The following XIRP2 variants were observed in gnomAD, a reference collection of about 807,000 sequenced individuals.
XIRP2 encodes the protein xin actin binding repeat containing 2, also known as xin actin-binding repeat-containing protein 2.
XIRP2 carries 236 observed loss-of-function variants against 277.0 expected under a neutral mutation model. The observed-to-expected ratio is 0.85, with a 90% CI of 0.77 to 0.95. The LOEUF (loss-of-function observed/expected upper bound fraction) is 0.95. Ranked by LOEUF, XIRP2 falls within the 40% of genes least tolerant of loss-of-function variation. XIRP2 has a pLI of 0.00. For synonymous variants in XIRP2, 1,490 were observed against 1,416.5 expected (o/e 1.05, Z -1.17); for missense variants, 4,640 against 4,157.5 (o/e 1.12, Z -3.19).
At position 166,923,224 on chromosome 2, in the gene XIRP2, TAA is replaced by T. The variant is rs1283806413; in HGVS notation, c.408+19336_408+19337del. 2.6e-5 allele frequency among the ~76,000 whole-genome samples: 4 copies of T among 152,094 alleles called. No homozygotes were observed. The East Asian group carries it at 7.7e-4, about 29-fold the overall frequency. On this transcript the variant is annotated intron_variant, in intron 2 of 10. Coordinates refer to ENST00000409195, the MANE Select transcript of XIRP2 (RefSeq NM_152381.6). ...CATGTTTGAACGGTAAAAGTAACTGTAAAGTTACAATGAGTGTACTATAAACA... is the reference window on the plus strand; with the variant it reads ...CATGTTTGAACGGTAAAAGTAACTGTAGTTACAATGAGTGTACTATAAACA...
At chr2:166,964,972 C>T (rs947184638) in intron 2 of XIRP2, among the ~76,000 whole-genome samples, 1 of 151,716 alleles carries the variant, frequency 6.6e-6, no homozygotes, top group African/African-American at 2.4e-5. Flanking sequence ...TGCTGATCAT[C>T]GTCTTTAAGA....
intron 2 of XIRP2, among the ~76,000 whole-genome samples, chr2:167,120,415 T>G (rs1418509810): frequency 6.6e-6 from 1 of 152,180 alleles, no homozygotes; most frequent in Non-Finnish European, 1.5e-5. Context: ...TCTCCATATT[T>G]CCACCTTGTG....
At chr2:166,996,905 G>C (rs1574145399) in intron 2 of XIRP2, among the ~76,000 whole-genome samples, 4 of 152,056 alleles carry the variant, frequency 2.6e-5, no homozygotes, top group Admixed American at 6.6e-5. Flanking sequence ...ATTCCCAAAA[G>C]ACTGATTAAG....
intron 2 of XIRP2, among the ~76,000 whole-genome samples, chr2:167,115,386 C>T (rs1299335183): frequency 6.6e-6 from 1 of 152,126 alleles, no homozygotes; most frequent in Non-Finnish European, 1.5e-5. Flanking sequence ...AGAATGCTTG[C>T]TGGGGAACTA....
chr2:167,173,611 C>G (rs989720168), intron 3 of XIRP2, among the ~76,000 whole-genome samples: 3 of 152,162 alleles, frequency 2.0e-5, no homozygotes, highest in Non-Finnish European at 4.4e-5. Flanking sequence ...GATATCTCTT[C>G]AATACATTGA....
chr2:166,920,653 T>C (rs1685013405), intron 2 of XIRP2, among the ~76,000 whole-genome samples: 1 of 152,194 alleles, frequency 6.6e-6, no homozygotes, highest in Non-Finnish European at 1.5e-5. Context: ...TGATAAAATA[T>C]GGCAAGAAAT....
chr2:167,193,399 GTA>G (rs1693405187), intron 3 of XIRP2, among the ~76,000 whole-genome samples: 1 of 152,142 alleles, frequency 6.6e-6, no homozygotes, highest in Non-Finnish European at 1.5e-5. Context: ...ATGTGAATGT[GTA>G]TGTGTATACA....
At chr2:167,232,442 G>GA (rs76083331) in intron 5 of XIRP2, among the ~76,000 whole-genome samples, 17 of 150,792 alleles carry the variant, frequency 1.1e-4, no homozygotes, top group East Asian at 5.9e-4. Flanking sequence ...CTCTGGTGGA[G>GA]AAAAAAAAAT....
intron 2 of XIRP2, among the ~76,000 whole-genome samples, chr2:166,958,022 G>T (rs1185896319): frequency 1.3e-5 from 2 of 151,814 alleles, no homozygotes; most frequent in African/African-American, 4.8e-5. Flanking sequence ...AGAGGAAAAA[G>T]CTTGAGAATC....
intron 2 of XIRP2, among the ~76,000 whole-genome samples, chr2:167,053,775 T>C (rs1421104302): frequency 3.9e-5 from 6 of 152,180 alleles, no homozygotes; most frequent in Non-Finnish European, 8.8e-5. Context: ...TATTGCCCTT[T>C]GACATCTTAC....
chr2:167,100,843 A>G (rs1407798497), intron 2 of XIRP2, among the ~76,000 whole-genome samples: 2 of 152,226 alleles, frequency 1.3e-5, no homozygotes, highest in Non-Finnish European at 2.9e-5. Context: ...TCATATTTTA[A>G]CAGATCTCAT....
chr2:167,069,900 C>T (rs1237774564), intron 2 of XIRP2, among the ~76,000 whole-genome samples: 1 of 152,100 alleles, frequency 6.6e-6, no homozygotes, highest in Non-Finnish European at 1.5e-5. Flanking sequence ...CTGAGGAGTG[C>T]TGCTCTTCCA....
chr2:166,969,831 T>C (rs1000440669), intron 2 of XIRP2, among the ~76,000 whole-genome samples: 2 of 151,892 alleles, frequency 1.3e-5, no homozygotes, highest in Non-Finnish European at 2.9e-5. Flanking sequence ...TAGTCCTTCA[T>C]TAAAATTGTT....
chr2:167,171,887 A>G (rs1019165062), intron 3 of XIRP2, among the ~76,000 whole-genome samples: 1 of 152,166 alleles, frequency 6.6e-6, no homozygotes, highest in Non-Finnish European at 1.5e-5. Flanking sequence ...TCCCATTCTT[A>G]GTGTCTTCAT....
chr2:166,899,490 C>T (rs1418295813), intron 1 of XIRP2, among the ~76,000 whole-genome samples: 1 of 152,002 alleles, frequency 6.6e-6, no homozygotes, highest in Non-Finnish European at 1.5e-5. Context: ...TTCAAGATTC[C>T]TTCTTTCATC....
At position 166,918,390 on chromosome 2, in the gene XIRP2, C is replaced by A. The variant is rs148058864; in HGVS notation, c.408+14500C>A. 3.6e-4 allele frequency among the ~76,000 whole-genome samples: 55 copies of A among 151,936 alleles called. 1 individual carries two copies. The East Asian group carries it at 0.01, about 29-fold the overall frequency. ...TTCATCCTTCTAAAGGTAATGTTTT[C>A]TTTATTTCTCCCTTTAGTTTATTCT... On this transcript the variant is annotated intron_variant, in intron 2 of 10. Transcript: ENST00000409195.
At chr2:166,933,445 G>A (rs904371126) in intron 2 of XIRP2, among the ~76,000 whole-genome samples, 6 of 151,888 alleles carry the variant, frequency 4.0e-5, no homozygotes, top group African/African-American at 9.7e-5. Flanking sequence ...CACTGTGCCC[G>A]GCCAACTTAT....
At chr2:167,095,247 T>G (rs552926644) in intron 2 of XIRP2, among the ~76,000 whole-genome samples, 1 of 152,350 alleles carries the variant, frequency 6.6e-6, no homozygotes, top group South Asian at 2.1e-4. Context: ...TATAAAATCA[T>G]GTCATCTGCA....
At chr2:167,109,969 C>T (rs1690710720) in intron 2 of XIRP2, among the ~76,000 whole-genome samples, 3 of 152,046 alleles carry the variant, frequency 2.0e-5, no homozygotes, top group African/African-American at 7.2e-5. Flanking sequence ...ACATGTATGT[C>T]TTCTTTTGAG....
Sources: allele counts gnomAD v4.1 joint callset (sites outside exome capture counted in the v4.1 genomes callset), GRCh38; gene constraint gnomAD v4.1.1; transcripts MANE v1.5; gene names NCBI Gene and HGNC (gene_info 2026-07-23, HGNC 2026-07-21).